Variants in FHIT observed in about 807,000 individuals in gnomAD.
FHIT encodes bis(5'-adenosyl)-triphosphatase.
In FHIT, 19 loss-of-function variants were observed where a neutral mutation model predicts 17.9. The observed-to-expected ratio is 1.06, with a 90% CI of 0.74 to 1.56. The LOEUF is 1.56. Among genes scored for constraint, FHIT ranks in the 40% most tolerant of loss-of-function variants. The pLI is 0.00. For synonymous variants in FHIT, 81 were observed against 69.7 expected (o/e 1.16, Z -0.81); for missense variants, 248 against 189.2 (o/e 1.31, Z -1.82).
intron 5 of FHIT, among the ~76,000 whole-genome samples, chr3:60,031,039 T>A (rs527584472): frequency 1.2e-3 from 183 of 152,322 alleles, no homozygotes; most frequent in African/African-American, 4.2e-3. Flanking sequence ...TCCAGTCCAC[T>A]ATTTGCTGAA....
intron 4 of FHIT, among the ~76,000 whole-genome samples, chr3:60,794,193 T>G (rs545750831): frequency 1.1e-4 from 17 of 152,258 alleles, no homozygotes; most frequent in African/African-American, 4.1e-4. Context: ...ATGTATCTAT[T>G]TAAACATTCT....
At chr3:61,137,247 A>G (rs999190056) in intron 2 of FHIT, among the ~76,000 whole-genome samples, 1 of 138,768 alleles carries the variant, frequency 7.2e-6, no homozygotes, top group South Asian at 2.3e-4. Context: ...TCTAAAACGT[A>G]TCATAGGTTT....
intron 3 of FHIT, among the ~76,000 whole-genome samples, chr3:60,858,335 G>C (rs1452805984): frequency 6.6e-6 from 1 of 152,126 alleles, no homozygotes; most frequent in Non-Finnish European, 1.5e-5. Context: ...GCACAAAATA[G>C]AGAACTCACT....
chr3:59,756,480 T>C (rs1701225822), intron 8 of FHIT, among the ~76,000 whole-genome samples: 1 of 139,078 alleles, frequency 7.2e-6, no homozygotes. Flanking sequence ...TTGCCAGATT[T>C]AGCAAACAAA....
intron 2 of FHIT, among the ~76,000 whole-genome samples, chr3:61,105,983 G>A (rs942257686): frequency 6.6e-6 from 1 of 152,138 alleles, no homozygotes; most frequent in African/African-American, 2.4e-5. Flanking sequence ...ATCCAACTTA[G>A]CAGATAAAAG....
intron 3 of FHIT, among the ~76,000 whole-genome samples, chr3:61,033,373 G>C (rs1217036140): frequency 1.3e-5 from 2 of 151,998 alleles, no homozygotes; most frequent in South Asian, 2.1e-4. Context: ...ATTCAGACAT[G>C]GTGTAAGGGT....
At chr3:59,797,242 A>C (rs1413968306) in intron 8 of FHIT, among the ~76,000 whole-genome samples, 1 of 150,954 alleles carries the variant, frequency 6.6e-6, no homozygotes. Context: ...GCTGGAGTGC[A>C]GTGGCACAAT....
intron 7 of FHIT, among the ~76,000 whole-genome samples, chr3:60,002,821 G>T (rs1427310907): frequency 6.6e-6 from 1 of 152,128 alleles, no homozygotes; most frequent in Non-Finnish European, 1.5e-5. Flanking sequence ...TTTGAGATGA[G>T]TATCAAGAAA....
chr3:60,948,953 A>G (rs1553776441), intron 3 of FHIT, among the ~76,000 whole-genome samples: 1 of 152,160 alleles, frequency 6.6e-6, no homozygotes, highest in African/African-American at 2.4e-5. Flanking sequence ...CACATAACAG[A>G]AAGCAGGGCA....
intron 5 of FHIT, among the ~76,000 whole-genome samples, chr3:60,307,530 T>C (rs187111222): frequency 2.4e-4 from 36 of 152,220 alleles, no homozygotes; most frequent in African/African-American, 8.7e-4. Flanking sequence ...TGTTTGACAA[T>C]GATATTTACT....
intron 3 of FHIT, among the ~76,000 whole-genome samples, chr3:60,975,446 C>T (rs1424738272): frequency 1.3e-5 from 2 of 152,108 alleles, no homozygotes; most frequent in Non-Finnish European, 1.5e-5. Flanking sequence ...GGCTTTATTT[C>T]CCTCATTCAC....
intron 5 of FHIT, among the ~76,000 whole-genome samples, chr3:60,106,019 C>G (rs1338021446): frequency 6.6e-6 from 1 of 152,190 alleles, no homozygotes; most frequent in Admixed American, 6.5e-5. Flanking sequence ...GCAAGCAGTT[C>G]TGAGTAGTGT....
chr3:60,557,788 T>A (rs1171292332), intron 4 of FHIT, among the ~76,000 whole-genome samples: 1 of 151,996 alleles, frequency 6.6e-6, no homozygotes, highest in Non-Finnish European at 1.5e-5. Flanking sequence ...TGCATAGGTA[T>A]TGTTGAAAAA....
intron 4 of FHIT, among the ~76,000 whole-genome samples, chr3:60,783,132 C>T (rs1439441434): frequency 6.8e-6 from 1 of 147,898 alleles, no homozygotes; most frequent in African/African-American, 2.5e-5. Context: ...TACAGGAGTG[C>T]GCCACCAGCT....
intron 5 of FHIT, among the ~76,000 whole-genome samples, chr3:60,194,060 C>G (rs757760435): frequency 2.6e-5 from 4 of 152,066 alleles, no homozygotes; most frequent in Non-Finnish European, 5.9e-5. Context: ...ATCAAAAAAC[C>G]ATTTTTTTCA....
chr3:60,407,067 ATTTTTTTTTTTT>A (rs34542104), intron 5 of FHIT, among the ~76,000 whole-genome samples: 4 of 62,902 alleles, frequency 6.4e-5, no homozygotes, highest in African/African-American at 1.4e-4. Context: ...CCTGCCAATA[ATTTTTTTTTTTT>A]TTTTTTTTTT....
intron 2 of FHIT, among the ~76,000 whole-genome samples, chr3:61,177,206 C>T (rs1304462019): frequency 6.6e-6 from 1 of 151,168 alleles, no homozygotes; most frequent in African/African-American, 2.4e-5. Flanking sequence ...AGAAAGAGAA[C>T]CAAATCATTT....
At chr3:59,934,895 C>A (rs1479977944) in intron 7 of FHIT, among the ~76,000 whole-genome samples, 1 of 152,146 alleles carries the variant, frequency 6.6e-6, no homozygotes, top group South Asian at 2.1e-4. Context: ...ATGGGAACTA[C>A]AATTCAAGAT....
At chr3:60,921,922 C>T (rs1028215348) in intron 3 of FHIT, among the ~76,000 whole-genome samples, 5 of 152,144 alleles carry the variant, frequency 3.3e-5, no homozygotes, top group African/African-American at 9.7e-5. Flanking sequence ...ATAATGTAGT[C>T]GGCCAGGCTC....
Sources: allele counts gnomAD v4.1 joint callset (sites outside exome capture counted in the v4.1 genomes callset), GRCh38; gene constraint gnomAD v4.1.1; transcripts MANE v1.5; gene names NCBI Gene and HGNC (gene_info 2026-07-23, HGNC 2026-07-21).